The following PRR5L variants were observed in gnomAD, a reference collection of about 807,000 sequenced individuals.
PRR5L encodes proline-rich protein 5-like.
A neutral mutation model predicts 36.4 loss-of-function variants in PRR5L; 21 were observed. The ratio of observed to expected loss-of-function variants is 0.58; its 90% CI spans 0.41 to 0.83. PRR5L has a LOEUF of 0.83. PRR5L is among the 40% of genes least tolerant of loss of function. PRR5L has a pLI of 0.00. For synonymous variants in PRR5L, 188 were observed against 197.0 expected, an observed-to-expected ratio of 0.95 and a Z score of 0.38; for missense variants, 381 against 473.3, an observed-to-expected ratio of 0.80 and a Z score of 1.81.
At chr11:36,317,830 C>T (rs573218445) in intron 1 of PRR5L, among the ~76,000 whole-genome samples, 1 of 152,272 alleles carries the variant, frequency 6.6e-6, no homozygotes, top group African/African-American at 2.4e-5. Flanking sequence ...AATATCCTGA[C>T]ACTTCTGTGA....
chr11:36,376,345 AGAGGAG>A (rs145114661), intron 1 of PRR5L: 359,364 of 891,244 alleles, frequency 0.4, 63,931 homozygotes, highest in Non-Finnish European at 0.42. Flanking sequence ...AGGAGGAGGA[AGAGGAG>A]GAGGAGGAGG....
intron 1 of PRR5L, among the ~76,000 whole-genome samples, chr11:36,368,450 G>A (rs1211134603): frequency 3.9e-5 from 6 of 152,160 alleles, no homozygotes; most frequent in Admixed American, 3.9e-4. Context: ...GATTTTTAGG[G>A]CCTCAGCAGA....
At chr11:36,457,550 G>A (rs1371384496) in intron 8 of PRR5L, among the ~76,000 whole-genome samples, 2 of 151,430 alleles carry the variant, frequency 1.3e-5, no homozygotes, top group Non-Finnish European at 2.9e-5. Flanking sequence ...CGCTTGTAGT[G>A]AGCCAAGTTC....
chr11:36,348,052 C>T (rs1474675919), intron 1 of PRR5L, among the ~76,000 whole-genome samples: 3 of 152,174 alleles, frequency 2.0e-5, no homozygotes, highest in African/African-American at 7.2e-5. Context: ...ATGTCTGGCA[C>T]AATCAGTAAG....
Position 36,360,056 on chromosome 11 carries a change from CACACACAT to C in PRR5L, c.-125-40933_-125-40926del, listed in dbSNP as rs1230220711. Among the ~76,000 whole-genome samples, 23 of 106,450 alleles carry C rather than the reference CACACACAT, an allele frequency of 2.2e-4. 1 individual carries two copies. Among genetic ancestry groups the C allele is most frequent in the Non-Finnish European group, 2.9e-4 (15 of 51,916 alleles). The allele number at this position is 106,450 out of a possible 152,430, so 69.8% of individuals were successfully genotyped here. On this transcript the variant is annotated intron_variant, in intron 1 of 8. Transcript: ENST00000530639. ...TGTCACACACACACACACACACACACACACACATACACACACACCCACACACACACACA... is the reference window on the plus strand; with the variant it reads ...TGTCACACACACACACACACACACACACACACACACCCACACACACACACA...
intron 6 of PRR5L, among the ~76,000 whole-genome samples, chr11:36,438,272 C>G (rs1018646469): frequency 9.9e-5 from 15 of 152,156 alleles, no homozygotes; most frequent in African/African-American, 3.6e-4. Context: ...GCAGTGTACT[C>G]CCTCTTCTCT....
At chr11:36,415,061 A>G (rs11033607) in intron 3 of PRR5L, among the ~76,000 whole-genome samples, 5,722 of 129,250 alleles carry the variant, frequency 0.044, 387 homozygotes, top group African/African-American at 0.065. Flanking sequence ...GTTCTGTTCC[A>G]TTGATCTATA....
intron 1 of PRR5L, chr11:36,380,605 A>C (rs965398781): frequency 2.0e-5 from 3 of 152,208 alleles, no homozygotes; most frequent in Non-Finnish European, 4.4e-5. Context: ...GATTACCTAA[A>C]TTGGATTAAG....
chr11:36,443,216 CATG>C (rs1418911699), intron 6 of PRR5L, among the ~76,000 whole-genome samples: 6 of 152,182 alleles, frequency 3.9e-5, no homozygotes, highest in African/African-American at 1.4e-4. Flanking sequence ...CGGTGTATCA[CATG>C]ATGAGAGAAG....
At chr11:36,371,812 G>A (rs151263920) in intron 1 of PRR5L, among the ~76,000 whole-genome samples, 2,158 of 152,118 alleles carry the variant, frequency 0.014, 52 homozygotes, top group African/African-American at 0.048. Context: ...TAATCCCAGC[G>A]CTTTGGGAGG....
At chr11:36,406,888 A>C (rs1051915991) in intron 3 of PRR5L, among the ~76,000 whole-genome samples, 2 of 152,160 alleles carry the variant, frequency 1.3e-5, no homozygotes, top group African/African-American at 2.4e-5. Flanking sequence ...ATTCAGAGAG[A>C]CCAGGGATCA....
At chr11:36,430,512 G>T (rs1858471697) in intron 4 of PRR5L, among the ~76,000 whole-genome samples, 1 of 152,160 alleles carries the variant, frequency 6.6e-6, no homozygotes, top group Non-Finnish European at 1.5e-5. Context: ...ATCCATCACA[G>T]AAATGGGATA....
At chr11:36,433,430 C>T (rs1307657502) in intron 5 of PRR5L, among the ~76,000 whole-genome samples, 1 of 152,176 alleles carries the variant, frequency 6.6e-6, no homozygotes, top group Non-Finnish European at 1.5e-5. Flanking sequence ...ACAGGATTCC[C>T]TTCTTATTTT....
intron 3 of PRR5L, among the ~76,000 whole-genome samples, chr11:36,416,923 C>T (rs1201082569): frequency 3.9e-5 from 6 of 152,308 alleles, no homozygotes; most frequent in African/African-American, 1.2e-4. Context: ...CTTGTTCAGT[C>T]ATATCTAGCC....
chr11:36,352,565 T>C (rs1479773849), intron 1 of PRR5L, among the ~76,000 whole-genome samples: 1 of 152,170 alleles, frequency 6.6e-6, no homozygotes. Context: ...GTTAAACAAC[T>C]TGCCTACAGG....
Position 36,387,246 on chromosome 11 carries a change from C to T in PRR5L, c.-125-13751C>T, listed in dbSNP as rs573828457. Among the ~76,000 whole-genome samples, 10 of 152,048 alleles carry T rather than the reference C, an allele frequency of 6.6e-5. No homozygotes were observed. In the South Asian group the frequency reaches 2.1e-3, roughly 32 times the overall value. ...GAACACTTGGACACAGGGTGGGGAA[C>T]ACCACACACCGGGGCCTGTCGTGGA... On this transcript the variant is annotated intron_variant, in intron 1 of 8. Coordinates refer to ENST00000530639, the MANE Select transcript of PRR5L (RefSeq NM_001160167.2).
rs1856680890 is a variant in PRR5L, at chr11:36,327,890, C to A, written c.-126+31452C>A. Among the ~76,000 whole-genome samples the A allele has an allele frequency of 1.3e-5, 2 of 152,278 alleles. 1 individual carries two copies. Among genetic ancestry groups the A allele is most frequent in the South Asian group, 4.1e-4 (2 of 4,828 alleles). On this transcript the variant is annotated intron_variant, in intron 1 of 8. Transcript: ENST00000530639. ...GTTTTCCTGCCTTTCTGGATTGAAC[C>A]AATGTACACCTTACACTTACTGATT...
intron 1 of PRR5L, among the ~76,000 whole-genome samples, chr11:36,368,288 G>A (rs530033282): frequency 6.6e-6 from 1 of 152,252 alleles, no homozygotes; most frequent in South Asian, 2.1e-4. Context: ...CAGGGGCAGG[G>A]GATAGCGAGT....
At chr11:36,401,938 C>A (rs1439773463) in intron 2 of PRR5L, among the ~76,000 whole-genome samples, 1 of 152,168 alleles carries the variant, frequency 6.6e-6, no homozygotes, top group Non-Finnish European at 1.5e-5. Context: ...CTATAAGAAA[C>A]CTTAAGTAAC....
Sources: gnomAD v4.1 joint callset for allele counts (sites outside exome capture counted in the v4.1 genomes callset) on GRCh38, gnomAD v4.1.1 for gene constraint, MANE v1.5 for transcripts, NCBI Gene and HGNC (gene_info 2026-07-23, HGNC 2026-07-21) for gene names.